ACTR3C: variants seen among roughly 807,000 people sequenced by gnomAD.
ACTR3C encodes the protein actin related protein 3C.
Under a neutral mutation model 26.3 loss-of-function variants are expected in ACTR3C, and 18 were observed. That is an observed-to-expected ratio of 0.68 (90% confidence interval 0.47 to 1.01). The LOEUF is 1.01. Ranked by LOEUF, ACTR3C falls within the 50% of genes least tolerant of loss-of-function variation. ACTR3C has a pLI of 0.00. For missense variants in ACTR3C, 184 were observed against 250.7 expected (o/e 0.73, Z 1.80); for synonymous variants, 55 against 94.5 (o/e 0.58, Z 2.42).
the ACTR3C span, among the ~76,000 whole-genome samples, chr7:150,182,408 C>T: frequency 6.6e-6 from 1 of 150,778 alleles, no homozygotes; most frequent in Non-Finnish European, 1.5e-5. Flanking sequence ...ATTGTAACAG[C>T]TTACTTTAAA....
chr7:150,215,913 A>G, the ACTR3C span, among the ~76,000 whole-genome samples: 32 of 152,358 alleles, frequency 2.1e-4, no homozygotes, highest in African/African-American at 7.2e-4. Context: ...ATATTGTGTA[A>G]TATATACACA....
the ACTR3C span, among the ~76,000 whole-genome samples, chr7:150,037,161 C>CT: frequency 2.8e-5 from 1 of 36,282 alleles, no homozygotes; most frequent in African/African-American, 1.5e-4. Context: ...TGCCTCCCCC[C>CT]CTGTGATGGG....
the ACTR3C span, among the ~76,000 whole-genome samples, chr7:150,079,061 C>T: frequency 6.6e-6 from 1 of 152,234 alleles, no homozygotes. Flanking sequence ...GGATAACTGG[C>T]CCTGGTTTGG....
At chr7:149,959,177 TTAA>T in the ACTR3C span, among the ~76,000 whole-genome samples, 1 of 152,108 alleles carries the variant, frequency 6.6e-6, no homozygotes, top group South Asian at 2.1e-4. Context: ...AAGATGTGTG[TTAA>T]TCCAAGGGGC....
chr7:150,220,997 G>T, the ACTR3C span, among the ~76,000 whole-genome samples: 1 of 152,288 alleles, frequency 6.6e-6, no homozygotes. Context: ...TGGCATAAGA[G>T]GTTTTGCCAG....
the ACTR3C span, among the ~76,000 whole-genome samples, chr7:150,145,424 C>T: frequency 6.6e-6 from 1 of 151,702 alleles, no homozygotes; most frequent in African/African-American, 2.4e-5. Context: ...ATCTTTCCTG[C>T]CATAGGCCTT....
the ACTR3C span, among the ~76,000 whole-genome samples, chr7:149,926,380 C>G: frequency 6.6e-6 from 1 of 152,160 alleles, no homozygotes. Flanking sequence ...GTGTTCCCAC[C>G]ATTCCCTAAA....
At chr7:150,181,034 G>A in the ACTR3C span, among the ~76,000 whole-genome samples, 1 of 151,326 alleles carries the variant, frequency 6.6e-6, no homozygotes, top group Non-Finnish European at 1.5e-5. Flanking sequence ...TATATAAGCA[G>A]ATTGAAATAT....
the ACTR3C span, among the ~76,000 whole-genome samples, chr7:150,018,818 G>T: frequency 6.7e-6 from 1 of 150,200 alleles, no homozygotes; most frequent in Non-Finnish European, 1.5e-5. Flanking sequence ...CATATTGTTC[G>T]TATCTAAGAG....
chr7:150,042,955 A>T, the ACTR3C span, among the ~76,000 whole-genome samples: 10 of 150,780 alleles, frequency 6.6e-5, no homozygotes, highest in African/African-American at 2.5e-4. Context: ...TGTTGTCGGG[A>T]TCCCCATTTC....
intron 6 of ACTR3C, among the ~76,000 whole-genome samples, chr7:150,276,920 G>T (rs1187276448): frequency 6.6e-6 from 1 of 152,232 alleles, no homozygotes; most frequent in Non-Finnish European, 1.5e-5. Flanking sequence ...CCAGGGCACA[G>T]CACCCAGTGA....
At chr7:150,058,926 A>G in the ACTR3C span, among the ~76,000 whole-genome samples, 2 of 151,960 alleles carry the variant, frequency 1.3e-5, no homozygotes, top group Admixed American at 1.3e-4. Context: ...TCAAAAAAAC[A>G]AACAAAAAAA....
chr7:149,995,760 C>G, the ACTR3C span, among the ~76,000 whole-genome samples: 1 of 152,192 alleles, frequency 6.6e-6, no homozygotes, highest in Non-Finnish European at 1.5e-5. Context: ...GTGGAAAGGC[C>G]GAAGAGGTAA....
chr7:150,033,956 G>T, the ACTR3C span, among the ~76,000 whole-genome samples: 1 of 151,430 alleles, frequency 6.6e-6, no homozygotes. Context: ...CAAAGAGCGA[G>T]GGGGGGAAGG....
At chr7:150,010,840 G>T in the ACTR3C span, among the ~76,000 whole-genome samples, 5 of 147,654 alleles carry the variant, frequency 3.4e-5, no homozygotes, top group African/African-American at 5.1e-5. Flanking sequence ...ATGAGAAAGG[G>T]GTTGTGTCTG....
chr7:150,265,841 A>G (rs1176962207), intron 6 of ACTR3C, among the ~76,000 whole-genome samples: 1 of 152,094 alleles, frequency 6.6e-6, no homozygotes, highest in Non-Finnish European at 1.5e-5. Flanking sequence ...CCACACGCAC[A>G]CACATCTAGG....
chr7:150,203,217 T>C, the ACTR3C span, among the ~76,000 whole-genome samples: 1 of 152,202 alleles, frequency 6.6e-6, no homozygotes, highest in African/African-American at 2.4e-5. Context: ...ATGGTGTGTG[T>C]GGACACTGAT....
intron 6 of ACTR3C, among the ~76,000 whole-genome samples, chr7:150,278,287 C>T (rs1338602582): frequency 2.0e-5 from 3 of 152,190 alleles, no homozygotes; most frequent in African/African-American, 4.8e-5. Flanking sequence ...GTAGGATGGC[C>T]GTCAGCCACA....
chr7:149,992,786 T>C, the ACTR3C span, among the ~76,000 whole-genome samples: 1,125 of 152,268 alleles, frequency 7.4e-3, 11 homozygotes, highest in African/African-American at 0.026. Context: ...GGGAGAATTG[T>C]CTCACATGCT....
Sources: allele counts gnomAD v4.1 joint callset (sites outside exome capture counted in the v4.1 genomes callset), GRCh38; gene constraint gnomAD v4.1.1; transcripts MANE v1.5; gene names NCBI Gene and HGNC (gene_info 2026-07-23, HGNC 2026-07-21).